The following MEIKIN variants were observed in gnomAD, a reference collection of about 807,000 sequenced individuals.
MEIKIN encodes the protein meiotic kinetochore factor, also known as meiosis-specific kinetochore protein.
rs151321351 is a variant in MEIKIN, at chr5:131,929,457, G to A, written c.478+4056C>T. On this transcript the variant is annotated intron_variant, in intron 5 of 12. Transcript: ENST00000442687. ...TGGTCTGCTTGATAGTGGCTCACAA[G>A]TCTCTTAGGATTTCTTCAATCTTTT... is the stretch of plus-strand genomic sequence containing the variant. Among the ~76,000 whole-genome samples, 643 of 152,268 alleles carry A rather than the reference G, an allele frequency of 4.2e-3. 3 individuals are homozygous for A. The highest frequency in any genetic ancestry group is 0.02 in the Middle Eastern group (6 of 294).
chr5:131,916,685 T>C (rs1445078599), intron 7 of MEIKIN, among the ~76,000 whole-genome samples: 1 of 152,248 alleles, frequency 6.6e-6, no homozygotes, highest in Non-Finnish European at 1.5e-5. Flanking sequence ...TTGCTATCAT[T>C]GCTGAGGGCA....
At chr5:131,813,109 T>A (rs1773026757) in intron 12 of MEIKIN, among the ~76,000 whole-genome samples, 1 of 152,198 alleles carries the variant, frequency 6.6e-6, no homozygotes, top group South Asian at 2.1e-4. Context: ...GTAAGTAACA[T>A]GAGGAAGTGA....
chr5:131,835,634 C>T (rs1454403662), intron 11 of MEIKIN, among the ~76,000 whole-genome samples: 4 of 152,124 alleles, frequency 2.6e-5, no homozygotes, highest in African/African-American at 9.7e-5. Flanking sequence ...CGCTCTGTTA[C>T]CCAGGCTGGA....
At chr5:131,933,425 C>G in intron 5 of MEIKIN, 88 bp downstream of exon 5, 1 of 386,650 alleles carries the variant, frequency 2.6e-6, no homozygotes, top group Non-Finnish European at 4.6e-6. Context: ...TATGCCTTCT[C>G]GAAAGGGACG....
intron 11 of MEIKIN, among the ~76,000 whole-genome samples, chr5:131,843,232 T>TA (rs1749949975): frequency 6.6e-6 from 1 of 152,254 alleles, no homozygotes; most frequent in African/African-American, 2.4e-5. Flanking sequence ...TGGGAGGGGC[T>TA]GTTGTGAAGG....
intron 5 of MEIKIN, among the ~76,000 whole-genome samples, chr5:131,930,630 ATTCT>A (rs754314106): frequency 4.4e-4 from 67 of 151,702 alleles, no homozygotes; most frequent in Non-Finnish European, 6.9e-4. Context: ...TTTTTCTTTT[ATTCT>A]TTTTTATTTT....
chr5:131,888,117 C>A (rs1329542679), intron 8 of MEIKIN, among the ~76,000 whole-genome samples: 3 of 147,574 alleles, frequency 2.0e-5, no homozygotes. Flanking sequence ...CATCGTTGGA[C>A]ATTTGGGTTG....
At chr5:131,888,152 T>C (rs1750836063) in intron 8 of MEIKIN, among the ~76,000 whole-genome samples, 2 of 148,408 alleles carry the variant, frequency 1.3e-5, no homozygotes. Flanking sequence ...CTATTGTGAA[T>C]AGTGCCTCAA....
At chr5:131,855,313 A>G (rs1468915378) in intron 9 of MEIKIN, among the ~76,000 whole-genome samples, 4 of 152,176 alleles carry the variant, frequency 2.6e-5, no homozygotes, top group African/African-American at 9.7e-5. Context: ...TATAACGTTA[A>G]ATGTATATAG....
chr5:131,903,812 T>C (rs1378991573), intron 8 of MEIKIN, among the ~76,000 whole-genome samples: 1 of 151,718 alleles, frequency 6.6e-6, no homozygotes, highest in Non-Finnish European at 1.5e-5. Flanking sequence ...GTAAATGAGC[T>C]AAATACTCCC....
In MEIKIN at chr5:131,910,959, C is replaced by G. The variant is rs139862265; in HGVS notation, c.703+856G>C. ...GGTAAAATCATGGTTGATTTTGGTA[C>G]ACTTACCACTTTCCCTTTAATTAGT... On this transcript the variant is annotated intron_variant, in intron 8 of 12. Transcript: ENST00000442687. 3.7e-3 allele frequency among the ~76,000 whole-genome samples: 568 copies of G among 152,160 alleles called. 4 individuals carry two copies. Among genetic ancestry groups the G allele is most frequent in the African/African-American group, 0.013 (538 of 41,530 alleles).
chr5:131,834,047 A>G (rs1041026705), intron 11 of MEIKIN, among the ~76,000 whole-genome samples: 1 of 152,240 alleles, frequency 6.6e-6, no homozygotes, highest in Non-Finnish European at 1.5e-5. Flanking sequence ...TGAGAGAGCT[A>G]TGATGAAAGA....
At chr5:131,942,933 C>T (rs776806447) in intron 3 of MEIKIN, among the ~76,000 whole-genome samples, 7 of 151,902 alleles carry the variant, frequency 4.6e-5, no homozygotes, top group Non-Finnish European at 1.0e-4. Context: ...ATATGCTAGT[C>T]AAGTAACTAC....
At chr5:131,822,738 A>G (rs967492484) in intron 11 of MEIKIN, among the ~76,000 whole-genome samples, 1 of 152,136 alleles carries the variant, frequency 6.6e-6, no homozygotes, top group East Asian at 1.9e-4. Context: ...ATGTTATACT[A>G]TTCTGTTTTT....
At chr5:131,894,893 C>A (rs1751007265) in intron 8 of MEIKIN, among the ~76,000 whole-genome samples, 1 of 152,138 alleles carries the variant, frequency 6.6e-6, no homozygotes, top group South Asian at 2.1e-4. Context: ...CCCTTTATTT[C>A]TTTCTTTTGC....
intron 11 of MEIKIN, among the ~76,000 whole-genome samples, chr5:131,844,400 G>A (rs906718980): frequency 6.6e-6 from 1 of 152,204 alleles, no homozygotes; most frequent in Admixed American, 6.5e-5. Context: ...AACAATATGA[G>A]TCTTACAATT....
intron 8 of MEIKIN, among the ~76,000 whole-genome samples, chr5:131,890,306 T>A (rs955427691): frequency 1.1e-4 from 16 of 152,204 alleles, no homozygotes; most frequent in African/African-American, 3.9e-4. Context: ...TCTGGTAGAA[T>A]TCAGCTGTGA....
At chr5:131,838,212 G>T (rs1749843802) in intron 11 of MEIKIN, among the ~76,000 whole-genome samples, 1 of 152,166 alleles carries the variant, frequency 6.6e-6, no homozygotes, top group Admixed American at 6.5e-5. Flanking sequence ...CTACTTAATT[G>T]TGGTGAATTA....
chr5:131,881,612 T>C (rs1425079891), intron 8 of MEIKIN, among the ~76,000 whole-genome samples: 1 of 152,200 alleles, frequency 6.6e-6, no homozygotes, highest in East Asian at 1.9e-4. Context: ...TAAACTGCCT[T>C]CATGACATCT....
Sources: allele counts gnomAD v4.1 joint callset (sites outside exome capture counted in the v4.1 genomes callset), GRCh38; gene constraint gnomAD v4.1.1; transcripts MANE v1.5; gene names NCBI Gene and HGNC (gene_info 2026-07-23, HGNC 2026-07-21).